The following TMEM132E variants were observed in gnomAD, a reference collection of about 807,000 sequenced individuals.
The protein encoded by TMEM132E is transmembrane protein 132E.
A neutral mutation model predicts 78.5 loss-of-function variants in TMEM132E; 49 were observed. The observed-to-expected ratio is 0.62, with a 90% CI of 0.50 to 0.79. The LOEUF (loss-of-function observed/expected upper bound fraction) is 0.79, where lower values mean the gene tolerates loss of function less well. Among genes scored for constraint, TMEM132E ranks in the 30% least tolerant of loss-of-function variants. The pLI is 0.00. For synonymous variants in TMEM132E, 715 were observed against 670.6 expected (o/e 1.07, Z -1.02); for missense variants, 1,403 against 1,470.9 (o/e 0.95, Z 0.75).
At chr17:34,627,123 T>TGGG in intron 2 of TMEM132E, 66 bp downstream of exon 2, 1 of 638,008 alleles carries the variant, frequency 1.6e-6, no homozygotes, top group Non-Finnish European at 2.8e-6. Context: ...TGACTCCTTG[T>TGGG]GGGTGGGTTG....
intron 1 of TMEM132E, among the ~76,000 whole-genome samples, chr17:34,598,329 A>C (rs912940812): frequency 3.9e-5 from 6 of 152,046 alleles, no homozygotes; most frequent in African/African-American, 1.4e-4. Flanking sequence ...TGGGACAGTG[A>C]GGGAGACATG....
chr17:34,604,901 G>A (rs1264308277), intron 1 of TMEM132E, among the ~76,000 whole-genome samples: 2 of 152,224 alleles, frequency 1.3e-5, no homozygotes, highest in Non-Finnish European at 2.9e-5. Flanking sequence ...TTAAAGGACA[G>A]GTGGCTGAGG....
At chr17:34,605,279 C>T (rs550579519) in intron 1 of TMEM132E, among the ~76,000 whole-genome samples, 1 of 152,164 alleles carries the variant, frequency 6.6e-6, no homozygotes, top group Non-Finnish European at 1.5e-5. Flanking sequence ...CGGAACCATG[C>T]GGTGCTTCAA....
chr17:34,583,852 C>A (rs751289747), intron 1 of TMEM132E, among the ~76,000 whole-genome samples: 6 of 152,224 alleles, frequency 3.9e-5, no homozygotes, highest in Non-Finnish European at 8.8e-5. Context: ...GTGAATGGAG[C>A]CTTACTACCT....
chr17:34,625,436 T>C (rs922925797), intron 1 of TMEM132E, among the ~76,000 whole-genome samples: 25 of 151,968 alleles, frequency 1.6e-4, no homozygotes, highest in Non-Finnish European at 3.7e-4. Context: ...GGTTCGAGAG[T>C]CAGGGGACCC....
At position 34,581,148 on chromosome 17, in the gene TMEM132E, G is replaced by A. The variant is rs1430620629; in HGVS notation, c.67+5G>A. On this transcript the variant is annotated splice_donor_5th_base_variant and intron_variant, in intron 1 of 8. Coordinates refer to ENST00000631683, the MANE Select transcript of TMEM132E (RefSeq NM_001304438.2). The stretch of plus-strand genomic sequence containing the variant: ...TCTCAGCGCTACTCGCCCACGGTAA[G>A]TGTCGCGGCGCGGACTGGGGGTGAG... 1 of 1,510,326 alleles carries A rather than the reference G, an allele frequency of 6.6e-7. No homozygotes were observed. The highest frequency in any genetic ancestry group is 2.7e-5 in the East Asian group (1 of 37,168). The allele number at this position is 1,510,326 out of a possible 1,614,324, so 93.6% of individuals were successfully genotyped here. A position where few individuals can be genotyped will look rare whatever the true frequency, so the allele number is the denominator to read the frequency against.
At chr17:34,632,521 A>C (rs1283813431) in intron 5 of TMEM132E, among the ~76,000 whole-genome samples, 183 bp from the exon 6 acceptor site, 1 of 152,234 alleles carries the variant, frequency 6.6e-6, no homozygotes, top group Non-Finnish European at 1.5e-5. Flanking sequence ...ATCTCAAGAA[A>C]GAGCAGAAGC....
At chr17:34,588,969 G>T (rs1597675173) in intron 1 of TMEM132E, among the ~76,000 whole-genome samples, 2 of 152,312 alleles carry the variant, frequency 1.3e-5, no homozygotes, top group East Asian at 1.9e-4. Flanking sequence ...GGCCAGGCTG[G>T]TCTCGAACTC....
rs780597392 is a variant in TMEM132E, at chr17:34,637,446, T to A, written c.2439T>A (p.Phe813Leu). The change falls in exon 9 of 9, where the codon TTT (phenylalanine) becomes TTA (leucine). Residue 813 changes from phenylalanine to leucine, a missense_variant. Physicochemically the swap from Phe to Leu is conservative, Grantham distance 22 (BLOSUM62 0). Around this residue, in one of 3 missense-constraint regions of TMEM132E, gnomAD observed 888 missense variants for 952.8 expected, o/e 0.93. Coordinates refer to ENST00000631683, the MANE Select transcript of TMEM132E (RefSeq NM_001304438.2). ...CCCCTGTGGGCCTGCGGGTGCACTT[T>A]GGGAGGGACGAGGAGGACCCCACTT... ...ATTPVGLRVH[F>L]GRDEEDPTYD... 5 of 1,613,242 alleles carry A rather than the reference T, an allele frequency of 3.1e-6. No individual in the cohort carries two copies. The South Asian group carries it at 5.5e-5, about 18-fold the overall frequency.
chr17:34,637,056 C>A, intron 8 of TMEM132E, 121 bp from the exon 9 acceptor site: 1 of 841,268 alleles, frequency 1.2e-6, no homozygotes, highest in Non-Finnish European at 1.9e-6. Context: ...AGTTCCAGTG[C>A]TGAGAATACA....
intron 3 of TMEM132E, 90 bp downstream of exon 3, chr17:34,628,799 G>A (rs1907245904): frequency 6.9e-7 from 1 of 1,448,920 alleles, no homozygotes; most frequent in African/African-American, 1.4e-5. Context: ...GCTAGGCTTG[G>A]GGAGGGCTGG....
chr17:34,628,345 G>A (rs1338866064), intron 2 of TMEM132E, among the ~76,000 whole-genome samples: 9 of 152,234 alleles, frequency 5.9e-5, no homozygotes, highest in Admixed American at 5.9e-4. Flanking sequence ...GGATACGGTA[G>A]AAGGGATTGC....
At chr17:34,588,954 A>G (rs1323153939) in intron 1 of TMEM132E, among the ~76,000 whole-genome samples, 9 of 152,140 alleles carry the variant, frequency 5.9e-5, no homozygotes, top group Non-Finnish European at 1.3e-4. Context: ...GGGTTTCACC[A>G]TGTTGGCCAG....
intron 6 of TMEM132E, among the ~76,000 whole-genome samples, 161 bp from the exon 7 acceptor site, chr17:34,634,638 G>C: frequency 6.6e-6 from 1 of 152,330 alleles, no homozygotes; most frequent in South Asian, 2.1e-4. Context: ...GGGACTCCTG[G>C]TTCCCAACTT....
chr17:34,626,561 C>T lies in TMEM132E; in HGVS notation c.502C>T (p.His168Tyr). 5 of 1,582,990 alleles carry T rather than the reference C, an allele frequency of 3.2e-6. No homozygotes were observed. The highest frequency in any genetic ancestry group is 3.4e-6 in the Non-Finnish European group (4 of 1,168,924). The change falls in exon 2 of 9, where the codon CAT becomes TAT. Residue 168 changes from histidine to tyrosine, a missense_variant. Around this residue, in one of 3 missense-constraint regions of TMEM132E, gnomAD observed 511 missense variants for 499.0 expected, o/e 1.02. Coordinates refer to ENST00000631683, the MANE Select transcript of TMEM132E (RefSeq NM_001304438.2). ...VTERLPCVRL[H>Y]AFRDAREVKS... The stretch of plus-strand genomic sequence containing the variant: ...CGAGCGGCTGCCCTGTGTCCGCCTG[C>T]ATGCCTTCCGGGATGCCCGGGAAGT...
At position 34,638,159 on chromosome 17, in the gene TMEM132E, T is replaced by C. The variant is rs1388980106; in HGVS notation, c.3152T>C (p.Val1051Ala). 6.2e-7 allele frequency: 1 copy of C among 1,608,106 alleles called. No individual in the cohort carries two copies. Among genetic ancestry groups the C allele is most frequent in the East Asian group, 2.2e-5 (1 of 44,658 alleles). Residue 1051 changes from valine (V) to alanine (A), a missense_variant, in exon 9 of 9, where the codon GTG (valine) becomes GCG (alanine). Transcript: ENST00000631683. The stretch of plus-strand genomic sequence containing the variant: ...GACCTGGGTTGGGGCTGCCCGGATG[T>C]GGCGGGCCCCACGCGGCCCACTGCA... The part of the protein sequence containing the change: ...EEDLGWGCPD[V>A]AGPTRPTAPP...
intron 1 of TMEM132E, among the ~76,000 whole-genome samples, chr17:34,622,082 G>A (rs150777925): frequency 1.2e-3 from 186 of 152,284 alleles, no homozygotes; most frequent in African/African-American, 4.1e-3. Flanking sequence ...GCTCTGTGCC[G>A]AGATGCAGGC....
chr17:34,636,232 T>G, intron 8 of TMEM132E, 34 bp downstream of exon 8: 1 of 1,419,912 alleles, frequency 7.0e-7, no homozygotes, highest in Non-Finnish European at 9.3e-7. Context: ...GCCAGGGAGT[T>G]GGTGGTATGG....
rs1907637655 is a variant in TMEM132E, at chr17:34,638,675, C to G, written c.*443C>G. On this transcript the variant is annotated 3_prime_UTR_variant, in exon 9 of 9. Coordinates refer to ENST00000631683, the MANE Select transcript of TMEM132E (RefSeq NM_001304438.2). ...TCTTGTGTCACAGGCTGCACAAAGA[C>G]TTTCCTCAAACTAATATTCAGGGAT... is the stretch of plus-strand genomic sequence containing the variant. The G allele has an allele frequency of 1.2e-5, 2 of 165,518 alleles. No individual in the cohort carries two copies. Among genetic ancestry groups the G allele is most frequent in the African/African-American group, 4.8e-5 (2 of 41,942 alleles). The allele number at this position is 165,518 out of a possible 1,614,324, so 10.3% of individuals were successfully genotyped here.
Sources: allele counts gnomAD v4.1 joint callset (sites outside exome capture counted in the v4.1 genomes callset), GRCh38; gene constraint gnomAD v4.1.1; regional missense constraint gnomAD v4.1.1; transcripts MANE v1.5; gene names NCBI Gene and HGNC (gene_info 2026-07-23, HGNC 2026-07-21).